Variants in NSRP1 observed in about 807,000 individuals in gnomAD.
The protein encoded by NSRP1 is coiled-coil domain containing 55.
NSRP1 carries 24 observed loss-of-function variants against 54.7 expected under a neutral mutation model. The observed-to-expected ratio is 0.44, with a 90% confidence interval of 0.32 to 0.62. NSRP1 has a LOEUF of 0.62. Among genes scored for constraint, NSRP1 ranks in the 20% least tolerant of loss-of-function variants. The pLI is 0.06. For synonymous variants in NSRP1, 210 were observed against 213.8 expected (o/e 0.98, Z 0.15); for missense variants, 596 against 651.2 (o/e 0.92, Z 0.92).
chr17:30,185,081 G>A lies in NSRP1; in HGVS notation c.1084G>A (p.Glu362Lys). Residue 362 changes from glutamate to lysine, a missense_variant, in exon 7 of 7, where the codon GAA (glutamate) becomes AAA (lysine). Coordinates refer to ENST00000247026, the MANE Select transcript of NSRP1 (RefSeq NM_032141.4). ...RDSHWKRHEQ[E>K]DKPRARDQRE... Reference sequence around the variant, plus strand: ...TTCCCATTGGAAGAGGCATGAACAGGAAGATAAACCAAGGGCGAGGGACCA... The same window carrying A: ...TTCCCATTGGAAGAGGCATGAACAGAAAGATAAACCAAGGGCGAGGGACCA... 6.2e-7 allele frequency: 1 copy of A among 1,614,050 alleles called. No individual in the cohort carries two copies. The highest frequency in any genetic ancestry group is 1.7e-5 in the Admixed American group (1 of 59,966).
chr17:30,163,021 A>G, intron 2 of NSRP1: 1 of 152,164 alleles, frequency 6.6e-6, no homozygotes, highest in Non-Finnish European at 1.5e-5. Flanking sequence ...CTGGGATTAC[A>G]GGCACGTGCC....
At chr17:30,138,034 C>T (rs2071765471) in intron 2 of NSRP1, among the ~76,000 whole-genome samples, 1 of 152,140 alleles carries the variant, frequency 6.6e-6, no homozygotes, top group Non-Finnish European at 1.5e-5. Context: ...CCTGCCCAGC[C>T]CTTAGCAACC....
At position 30,178,107 on chromosome 17, in the gene NSRP1, G is replaced by A. The variant is rs1005620036; in HGVS notation, c.208G>A (p.Ala70Thr). ...LEIQKALAED[A>T]TVYEYDSIYD... ...AATCCAGAAGGCCCTTGCAGAAGAT[G>A]CTACTGTGTATGAATATGACAGTAT... is the stretch of plus-strand genomic sequence containing the variant. The change falls in exon 4 of 7, where the codon GCT (alanine) becomes ACT (threonine). Residue 70 changes from alanine (A) to threonine (T), a missense_variant. By Grantham distance (58) the Ala-to-Thr change is moderately conservative. Coordinates refer to ENST00000247026, the MANE Select transcript of NSRP1 (RefSeq NM_032141.4). The A allele has an allele frequency of 3.1e-6, 5 of 1,611,840 alleles. No individual in the cohort carries two copies. Among genetic ancestry groups the A allele is most frequent in the Middle Eastern group, 1.6e-4 (1 of 6,076 alleles).
chr17:30,176,612 C>A (rs549974716), intron 3 of NSRP1, among the ~76,000 whole-genome samples: 77 of 121,166 alleles, frequency 6.4e-4, no homozygotes, highest in African/African-American at 1.9e-3. Context: ...TTCGTCCCCC[C>A]CCCCCCAAAA....
At chr17:30,180,482 C>G (rs1905257714) in intron 5 of NSRP1, among the ~76,000 whole-genome samples, 1 of 152,152 alleles carries the variant, frequency 6.6e-6, no homozygotes, top group African/African-American at 2.4e-5. Context: ...AGAAGAAAAC[C>G]AAGTCTATAA....
At chr17:30,129,057 A>G (rs75470558) in intron 2 of NSRP1, among the ~76,000 whole-genome samples, 7,343 of 151,172 alleles carry the variant, frequency 0.049, 571 homozygotes, top group African/African-American at 0.17. Flanking sequence ...CACGCCTGGC[A>G]TGATTTTTTT....
At chr17:30,184,399 T>G (rs867936805) in intron 6 of NSRP1, among the ~76,000 whole-genome samples, 53 of 152,340 alleles carry the variant, frequency 3.5e-4, no homozygotes, top group African/African-American at 1.3e-3. Context: ...CTCTTTTCAC[T>G]TCTACAAATA....
chr17:30,122,386 T>TATATATATA (rs1329288159), intron 2 of NSRP1: 2 of 7,162 alleles, frequency 2.8e-4, no homozygotes, highest in Non-Finnish European at 5.3e-4. Context: ...TATATATATA[T>TATATATATA]TTTTTTTTTT....
rs753273058 is a variant in NSRP1 at position 30,180,928 on chromosome 17, C to T, written c.529C>T (p.Gln177Ter). ...ALEACLDVTK[Q>*]KDLSGFYRHL... ...GTTAGCATGTTTGGATGTAACCAAGCAGAAAGATCTCAGTGGATTTTATAG... is the reference window on the plus strand; with the variant it reads ...GTTAGCATGTTTGGATGTAACCAAGTAGAAAGATCTCAGTGGATTTTATAG... The change falls in exon 6 of 7, where the codon CAG (glutamine) becomes TAG (stop). Residue 177 changes from glutamine (Q) to a stop codon, truncating the protein, a stop_gained. Transcript: ENST00000247026. LOFTEE classifies it high-confidence loss of function. The T allele has an allele frequency of 6.2e-7, 1 of 1,612,536 alleles. No individual in the cohort carries two copies. The highest frequency in any genetic ancestry group is 1.1e-5 in the South Asian group (1 of 91,002).
At chr17:30,117,031 AT>A in intron 1 of NSRP1, 168 bp downstream of exon 1, 1 of 912,586 alleles carries the variant, frequency 1.1e-6, no homozygotes, top group Non-Finnish European at 1.8e-6. Flanking sequence ...TCCCCCGTAC[AT>A]TTTCCCGGAT....
chr17:30,180,822 CTG>C (rs1178845347), intron 5 of NSRP1, 84 bp from the exon 6 acceptor site: 8 of 849,998 alleles, frequency 9.4e-6, no homozygotes, highest in Non-Finnish European at 1.6e-5. Context: ...AGTTTACACA[CTG>C]TATGTTATAT....
At chr17:30,181,390 T>G (rs1567808045) in intron 6 of NSRP1, among the ~76,000 whole-genome samples, 2 of 138,298 alleles carry the variant, frequency 1.4e-5, no homozygotes, top group African/African-American at 5.5e-5. Context: ...TGTAGTTTTT[T>G]CTTTTTTCTT....
intron 2 of NSRP1, among the ~76,000 whole-genome samples, chr17:30,169,634 C>G (rs1904852836): frequency 6.6e-6 from 1 of 152,030 alleles, no homozygotes; most frequent in South Asian, 2.1e-4. Context: ...AACTAGTATA[C>G]TTAGCATAGC....
At chr17:30,130,171 C>T (rs2071686770) in intron 2 of NSRP1, among the ~76,000 whole-genome samples, 1 of 152,180 alleles carries the variant, frequency 6.6e-6, no homozygotes, top group Non-Finnish European at 1.5e-5. Context: ...TCACAGCTCA[C>T]TGTAGCCTCA....
At chr17:30,172,946 T>C (rs1291763397) in intron 3 of NSRP1, among the ~76,000 whole-genome samples, 1 of 151,576 alleles carries the variant, frequency 6.6e-6, no homozygotes, top group East Asian at 1.9e-4. Flanking sequence ...GATACAAATA[T>C]ATAGATATAT....
At chr17:30,159,513 A>G (rs951767168) in intron 2 of NSRP1, among the ~76,000 whole-genome samples, 27 of 152,236 alleles carry the variant, frequency 1.8e-4, no homozygotes, top group Admixed American at 1.3e-3. Flanking sequence ...GTGTTGAATA[A>G]GAGTGGTGAA....
At chr17:30,120,085 A>G (rs114460625) in intron 2 of NSRP1, among the ~76,000 whole-genome samples, 3,536 of 152,244 alleles carry the variant, frequency 0.023, 131 homozygotes, top group African/African-American at 0.081. Flanking sequence ...ACAAATGCTC[A>G]TATTTCTATC....
intron 2 of NSRP1, among the ~76,000 whole-genome samples, chr17:30,140,472 G>A (rs2071793652): frequency 6.7e-6 from 1 of 148,882 alleles, no homozygotes; most frequent in Non-Finnish European, 1.5e-5. Context: ...TTTGGAATTG[G>A]TCCTTCACTA....
At position 30,118,134 on chromosome 17, in the gene NSRP1, A is replaced by G; in HGVS notation, c.75A>G (p.Lys25=). The change falls in exon 2 of 7, where the codon AAA becomes AAG. Residue 25 remains lysine (K), a synonymous_variant. Coordinates refer to ENST00000247026, the MANE Select transcript of NSRP1 (RefSeq NM_032141.4). The part of the protein sequence containing the change: ...KTQQLHPVLQ[K]PSVFGNDSDD... ...AGCAGTTGCACCCTGTTTTGCAAAA[A>G]CCATCAGTGTTTGGGAATGATTCTG... 2 of 1,614,050 alleles carry G rather than the reference A, an allele frequency of 1.2e-6. No individual in the cohort carries two copies. The highest frequency in any genetic ancestry group is 1.7e-6 in the Non-Finnish European group (2 of 1,179,946).
Sources: allele counts gnomAD v4.1 joint callset (sites outside exome capture counted in the v4.1 genomes callset), GRCh38; gene constraint gnomAD v4.1.1; transcripts MANE v1.5; gene names NCBI Gene and HGNC (gene_info 2026-07-23, HGNC 2026-07-21).